Variants in DCDC2C observed in about 807,000 individuals in gnomAD.
DCDC2C encodes doublecortin domain-containing protein 2C.
DCDC2C carries 44 observed loss-of-function variants against 45.0 expected under a neutral mutation model. The observed-to-expected ratio is 0.98, with a 90% CI of 0.77 to 1.26. The LOEUF (loss-of-function observed/expected upper bound fraction) is 1.26. Among genes scored for constraint, DCDC2C ranks in the 50% most tolerant of loss-of-function variants. DCDC2C has a pLI of 0.00. For synonymous variants in DCDC2C, 187 were observed against 178.8 expected (o/e 1.05, Z -0.37); for missense variants, 447 against 468.9 (o/e 0.95, Z 0.43).
chr2:3,815,550 G>A (rs912601621), intron 10 of DCDC2C, among the ~76,000 whole-genome samples: 2 of 152,192 alleles, frequency 1.3e-5, no homozygotes, highest in African/African-American at 4.8e-5. Context: ...CTGTGTTGTT[G>A]TCACACGTAT....
At chr2:3,744,570 G>A (rs2603146) in intron 4 of DCDC2C, among the ~76,000 whole-genome samples, 86,990 of 152,046 alleles carry the variant, frequency 0.57, 25,498 homozygotes, top group East Asian at 0.85. Flanking sequence ...GGAGGCCGCC[G>A]TGGGCAGTGA....
chr2:3,738,580 C>T (rs1669098898), intron 3 of DCDC2C, among the ~76,000 whole-genome samples: 1 of 136,112 alleles, frequency 7.3e-6, no homozygotes, highest in Non-Finnish European at 1.5e-5. Context: ...AGCCTCCCAG[C>T]TTATATCACT....
At chr2:3,717,472 C>T (rs1668379060) in intron 2 of DCDC2C, among the ~76,000 whole-genome samples, 1 of 140,756 alleles carries the variant, frequency 7.1e-6, no homozygotes, top group South Asian at 2.7e-4. Context: ...GCCCACCCAT[C>T]CCACCTCCTG....
intron 2 of DCDC2C, 31 bp downstream of exon 2, chr2:3,708,631 G>A (rs1458479361): frequency 6.6e-7 from 1 of 1,510,414 alleles, no homozygotes; most frequent in Non-Finnish European, 8.9e-7. Context: ...ACTAATAATG[G>A]AATAAATTGG....
chr2:3,722,232 C>T lies in DCDC2C; in HGVS notation c.340-4771C>T, dbSNP rs1668522236. Among the ~76,000 whole-genome samples, 3 of 152,358 alleles carry T rather than the reference C, an allele frequency of 2.0e-5. No individual in the cohort carries two copies. The South Asian group carries it at 6.2e-4, about 32-fold the overall frequency. On this transcript the variant is annotated intron_variant, in intron 2 of 10. Coordinates refer to ENST00000399143, the MANE Select transcript of DCDC2C (RefSeq NM_001287444.2). Reference sequence around the variant, plus strand: ...CTGGGATCCTGGATGATCCAAAGCACAGGCTCCTGAGTACTAAGCTACATG... The same window carrying T: ...CTGGGATCCTGGATGATCCAAAGCATAGGCTCCTGAGTACTAAGCTACATG...
At chr2:3,787,701 A>T (rs1481991368) in intron 10 of DCDC2C, among the ~76,000 whole-genome samples, 1 of 152,246 alleles carries the variant, frequency 6.6e-6, no homozygotes, top group Non-Finnish European at 1.5e-5. Context: ...AGATAAGAAA[A>T]AAATGAGAAA....
chr2:3,776,171 C>T (rs1179454545), intron 8 of DCDC2C, among the ~76,000 whole-genome samples: 2 of 152,350 alleles, frequency 1.3e-5, no homozygotes, highest in Middle Eastern at 3.4e-3. Flanking sequence ...AATTTTCTCT[C>T]TTTCCTTGGT....
chr2:3,806,634 C>T (rs989322165), intron 10 of DCDC2C, among the ~76,000 whole-genome samples: 1 of 151,698 alleles, frequency 6.6e-6, no homozygotes, highest in African/African-American at 2.4e-5. Context: ...CCTCCGCCTC[C>T]TGGGTTCAAG....
chr2:3,743,297 T>C (rs892260922), intron 4 of DCDC2C, among the ~76,000 whole-genome samples: 1 of 152,116 alleles, frequency 6.6e-6, no homozygotes, highest in African/African-American at 2.4e-5. Flanking sequence ...TAGACAGCAA[T>C]ACAATAATAG....
intron 2 of DCDC2C, among the ~76,000 whole-genome samples, chr2:3,719,276 G>A (rs1668430766): frequency 6.6e-6 from 1 of 152,062 alleles, no homozygotes; most frequent in African/African-American, 2.4e-5. Flanking sequence ...TAATAGAGAT[G>A]GTGTTTCACC....
At chr2:3,756,727 G>C (rs1375896339) in intron 6 of DCDC2C, among the ~76,000 whole-genome samples, 1 of 152,200 alleles carries the variant, frequency 6.6e-6, no homozygotes, top group Non-Finnish European at 1.5e-5. Context: ...ATGTTTTTCT[G>C]AATATGTTTT....
chr2:3,748,028 A>G (rs1171697733), intron 4 of DCDC2C, among the ~76,000 whole-genome samples: 2 of 152,202 alleles, frequency 1.3e-5, no homozygotes, highest in African/African-American at 4.8e-5. Flanking sequence ...AGGGACCCTC[A>G]GGCACACAGC....
At chr2:3,714,970 A>G (rs947092162) in intron 2 of DCDC2C, among the ~76,000 whole-genome samples, 1 of 152,254 alleles carries the variant, frequency 6.6e-6, no homozygotes, top group African/African-American at 2.4e-5. Context: ...GAGAAAATAT[A>G]TGTAATTTAA....
At chr2:3,745,395 A>G (rs530561649) in intron 4 of DCDC2C, among the ~76,000 whole-genome samples, 2 of 152,372 alleles carry the variant, frequency 1.3e-5, no homozygotes, top group African/African-American at 4.8e-5. Flanking sequence ...AGGGTAAAAA[A>G]GACATTAGAT....
At chr2:3,801,545 A>T (rs531239872) in intron 10 of DCDC2C, among the ~76,000 whole-genome samples, 4 of 152,390 alleles carry the variant, frequency 2.6e-5, no homozygotes, top group Non-Finnish European at 5.9e-5. Flanking sequence ...AAACTGTAAC[A>T]CATCAGTAGA....
Position 3,767,835 on chromosome 2 carries a change from GA to G in DCDC2C, c.812del (p.Lys271ArgfsTer9), listed in dbSNP as rs1670054402. ...TQDSVYYAKE[E>X]KKKTLAEPLV... Reference sequence around the variant, plus strand: ...GGATTCTGTTTATTATGCCAAAGAAGAAAAGAAGAAAACATTGGCAGAACCT... The same window carrying G: ...GGATTCTGTTTATTATGCCAAAGAAGAAAGAAGAAAACATTGGCAGAACCT... On this transcript the variant is annotated frameshift_variant, in exon 7 of 11. Coordinates refer to ENST00000399143, the MANE Select transcript of DCDC2C (RefSeq NM_001287444.2). LOFTEE classifies it high-confidence loss of function. 1.3e-6 allele frequency: 2 copies of G among 1,543,588 alleles called. No homozygotes were observed. The highest frequency in any genetic ancestry group is 1.7e-6 in the Non-Finnish European group (2 of 1,145,102).
At chr2:3,725,487 C>CCGCCA (rs1558564549) in intron 2 of DCDC2C, among the ~76,000 whole-genome samples, 2 of 86,436 alleles carry the variant, frequency 2.3e-5, no homozygotes, top group Non-Finnish European at 5.0e-5. Flanking sequence ...CAGAGGAAGA[C>CCGCCA]GAGCAGAGAG....
chr2:3,800,612 T>TAGC (rs1313591736), intron 10 of DCDC2C, among the ~76,000 whole-genome samples: 5 of 123,988 alleles, frequency 4.0e-5, no homozygotes, highest in East Asian at 3.8e-4. Flanking sequence ...ACATAAGTGC[T>TAGC]TTTTCTTGAG....
chr2:3,766,657 T>G (rs111465000), intron 6 of DCDC2C, among the ~76,000 whole-genome samples: 2,810 of 152,314 alleles, frequency 0.018, 84 homozygotes, highest in South Asian at 0.021. Context: ...ATGCAATATA[T>G]TAACGGTACA....
Sources: gnomAD v4.1 joint callset for allele counts (sites outside exome capture counted in the v4.1 genomes callset) on GRCh38, gnomAD v4.1.1 for gene constraint, MANE v1.5 for transcripts, NCBI Gene and HGNC (gene_info 2026-07-23, HGNC 2026-07-21) for gene names.